Variants in OSBPL6 observed in about 807,000 individuals in gnomAD.
OSBPL6 encodes the protein oxysterol binding protein like 6, also known as oxysterol-binding protein-related protein 6.
A neutral mutation model predicts 125.8 loss-of-function variants in OSBPL6; 49 were observed. The ratio of observed to expected loss-of-function variants is 0.39; its 90% CI spans 0.31 to 0.49. The LOEUF (loss-of-function observed/expected upper bound fraction) is 0.49, where lower values mean the gene tolerates loss of function less well. Ranked by LOEUF, OSBPL6 falls within the 20% of genes least tolerant of loss-of-function variation. The pLI is 0.88. For synonymous variants in OSBPL6, 394 were observed against 391.8 expected, an observed-to-expected ratio of 1.01 and a Z score of -0.07; for missense variants, 986 against 1,135.4, an observed-to-expected ratio of 0.87 and a Z score of 1.89.
upstream of OSBPL6, chr2:178,194,480 A>C (rs1251098776): frequency 6.6e-6 from 1 of 151,988 alleles, no homozygotes; most frequent in Non-Finnish European, 1.5e-5. Flanking sequence ...GCAGCGGACC[A>C]CTGGAGGCGC....
chr2:178,244,356 A>G (rs533395969), intron 1 of OSBPL6, among the ~76,000 whole-genome samples: 17 of 152,224 alleles, frequency 1.1e-4, no homozygotes, highest in South Asian at 2.1e-4. Context: ...CTCACATTTA[A>G]TATTTGTAAT....
intron 1 of OSBPL6, among the ~76,000 whole-genome samples, chr2:178,252,818 C>T (rs1384977583): frequency 2.0e-5 from 3 of 152,098 alleles, no homozygotes; most frequent in African/African-American, 7.3e-5. Context: ...CATGATACAA[C>T]CCCATTTTAG....
At chr2:178,200,480 G>C (rs990266718) in intron 1 of OSBPL6, among the ~76,000 whole-genome samples, 6 of 151,994 alleles carry the variant, frequency 3.9e-5, no homozygotes, top group South Asian at 4.2e-4. Context: ...CTGAACTCCT[G>C]ACCTCAAGTG....
intron 1 of OSBPL6, among the ~76,000 whole-genome samples, chr2:178,279,530 G>A (rs1196948179): frequency 6.6e-6 from 1 of 152,202 alleles, no homozygotes; most frequent in Non-Finnish European, 1.5e-5. Context: ...GCTCATTAAT[G>A]ATTTAGAAAG....
intron 1 of OSBPL6, among the ~76,000 whole-genome samples, chr2:178,239,451 T>C (rs1375190893): frequency 6.6e-6 from 1 of 151,958 alleles, no homozygotes; most frequent in African/African-American, 2.4e-5. Flanking sequence ...TCCCAGCTGC[T>C]TGGGAGGCTG....
At chr2:178,237,621 G>A (rs2091110207) in intron 1 of OSBPL6, among the ~76,000 whole-genome samples, 1 of 152,112 alleles carries the variant, frequency 6.6e-6, no homozygotes, top group Non-Finnish European at 1.5e-5. Flanking sequence ...GCCTCAGCAT[G>A]GTTGACATTT....
intron 2 of OSBPL6, among the ~76,000 whole-genome samples, chr2:178,291,038 A>C (rs1685208676): frequency 6.6e-6 from 1 of 152,146 alleles, no homozygotes; most frequent in African/African-American, 2.4e-5. Flanking sequence ...TTTCAGCATG[A>C]AAACTACTAA....
intron 10 of OSBPL6, 61 bp from the exon 11 acceptor site, chr2:178,339,611 T>C: frequency 1.5e-6 from 2 of 1,353,362 alleles, no homozygotes; most frequent in Non-Finnish European, 2.0e-6. Flanking sequence ...CTTGTCTATA[T>C]CTGTATCATC....
intron 8 of OSBPL6, among the ~76,000 whole-genome samples, chr2:178,333,776 C>A (rs552672989): frequency 6.6e-6 from 1 of 152,152 alleles, no homozygotes; most frequent in African/African-American, 2.4e-5. Flanking sequence ...TATTAAATTT[C>A]TCCATGAAGT....
chr2:178,363,429 A>G (rs955175935), intron 13 of OSBPL6, among the ~76,000 whole-genome samples: 2 of 152,224 alleles, frequency 1.3e-5, no homozygotes, highest in Non-Finnish European at 2.9e-5. Flanking sequence ...CCATGTTCCC[A>G]GCAAGCTCGT....
At chr2:178,265,756 T>G (rs2092213742) in intron 1 of OSBPL6, among the ~76,000 whole-genome samples, 1 of 152,178 alleles carries the variant, frequency 6.6e-6, no homozygotes, top group Non-Finnish European at 1.5e-5. Context: ...CTTTTTTATT[T>G]TCTTTCTCTC....
intron 1 of OSBPL6, among the ~76,000 whole-genome samples, chr2:178,206,897 G>A (rs927341088): frequency 1.3e-5 from 2 of 151,940 alleles, no homozygotes; most frequent in Non-Finnish European, 2.9e-5. Context: ...TTACAGATGT[G>A]AGCCACCACA....
At chr2:178,372,102 A>T (rs758247908) in intron 13 of OSBPL6, 24 bp from the exon 14 acceptor site, 1 of 1,525,894 alleles carries the variant, frequency 6.6e-7, no homozygotes, top group Non-Finnish European at 9.1e-7. Flanking sequence ...TTTAAATTAC[A>T]TATGTGGTTT....
At chr2:178,261,055 C>G (rs1426811334) in intron 1 of OSBPL6, among the ~76,000 whole-genome samples, 1 of 152,110 alleles carries the variant, frequency 6.6e-6, no homozygotes, top group Admixed American at 6.5e-5. Flanking sequence ...TCGCTTGAAC[C>G]TGGGAGGTGG....
At chr2:178,382,087 CA>C (rs1484386819) in intron 15 of OSBPL6, among the ~76,000 whole-genome samples, 1 of 152,194 alleles carries the variant, frequency 6.6e-6, no homozygotes, top group Non-Finnish European at 1.5e-5. Context: ...TAGGTTGGTG[CA>C]AAAGAAAGTA....
At chr2:178,334,257 A>C (rs1689475922) in intron 8 of OSBPL6, among the ~76,000 whole-genome samples, 1 of 152,158 alleles carries the variant, frequency 6.6e-6, no homozygotes, top group Admixed American at 6.5e-5. Context: ...AGGGTGAGGA[A>C]GCTGGCTGCC....
At chr2:178,372,265 C>T (rs752098816) in intron 14 of OSBPL6, 32 bp downstream of exon 14, 35 of 1,479,358 alleles carry the variant, frequency 2.4e-5, no homozygotes, top group Admixed American at 9.6e-5. Context: ...TGCAGAGTAC[C>T]TATTTTTTAG....
At chr2:178,270,051 C>T (rs2092342495) in intron 1 of OSBPL6, among the ~76,000 whole-genome samples, 1 of 152,206 alleles carries the variant, frequency 6.6e-6, no homozygotes, top group African/African-American at 2.4e-5. Context: ...CACAGCCTCT[C>T]TTTGCTCCCT....
intron 1 of OSBPL6, among the ~76,000 whole-genome samples, chr2:178,210,339 A>T (rs1331912113): frequency 6.6e-6 from 1 of 151,844 alleles, no homozygotes; most frequent in East Asian, 1.9e-4. Flanking sequence ...TTTGACAGTT[A>T]AAAAAAATCC....
Sources: allele counts gnomAD v4.1 joint callset (sites outside exome capture counted in the v4.1 genomes callset), GRCh38; gene constraint gnomAD v4.1.1; transcripts MANE v1.5; gene names NCBI Gene and HGNC (gene_info 2026-07-23, HGNC 2026-07-21).